ST18: variants seen among roughly 807,000 people sequenced by gnomAD.
The protein encoded by ST18 is suppression of tumorigenicity 18 protein.
ST18 carries 50 observed loss-of-function variants against 110.0 expected under a neutral mutation model. The ratio of observed to expected loss-of-function variants is 0.45; its 90% CI spans 0.36 to 0.58. The LOEUF (loss-of-function observed/expected upper bound fraction) is 0.58, where lower values mean the gene tolerates loss of function less well. Among genes scored for constraint, ST18 ranks in the 20% least tolerant of loss-of-function variants. The probability of loss-of-function intolerance (pLI) is 0.00; values close to 1 mark genes in which losing one functional copy is unlikely to be tolerated. For synonymous variants in ST18, 461 were observed against 452.4 expected, an observed-to-expected ratio of 1.02 and a Z score of -0.24; for missense variants, 1,306 against 1,280.1, an observed-to-expected ratio of 1.02 and a Z score of -0.31.
intron 8 of ST18, among the ~76,000 whole-genome samples, chr8:52,180,846 C>T (rs1257037853): frequency 6.6e-6 from 1 of 152,144 alleles, no homozygotes; most frequent in East Asian, 1.9e-4. Flanking sequence ...ATCCTGTCTC[C>T]CCATCTCCAG....
chr8:52,293,024 G>A lies in ST18; in HGVS notation c.-464-62947C>T, dbSNP rs4873637. 1.9e-3 allele frequency among the ~76,000 whole-genome samples: 297 copies of A among 152,316 alleles called. 2 individuals are homozygous for A. Among genetic ancestry groups the A allele is most frequent in the Admixed American group, 0.015 (231 of 15,314 alleles). On this transcript the variant is annotated intron_variant, in intron 2 of 25. Transcript: ENST00000689386. Reference sequence around the variant, plus strand: ...ATACAGGTTTGGAAATTAATCGATCGTGAGAATTATGTACTTTCTCTCTGG... The same window carrying A: ...ATACAGGTTTGGAAATTAATCGATCATGAGAATTATGTACTTTCTCTCTGG...
intron 17 of ST18, among the ~76,000 whole-genome samples, chr8:52,141,739 G>A (rs1227289805): frequency 6.6e-6 from 1 of 152,152 alleles, no homozygotes; most frequent in African/African-American, 2.4e-5. Context: ...CAACCCTAAG[G>A]CCCTGCCTAA....
In ST18 at chr8:52,230,435, G is replaced by C. The variant is rs547325325; in HGVS notation, c.-464-358C>G. 3.3e-5 allele frequency among the ~76,000 whole-genome samples: 5 copies of C among 152,024 alleles called. No homozygotes were observed. In the South Asian group the frequency reaches 1.0e-3, roughly 32 times the overall value. ...GAAGAAAAAAAAAAAAAGAATCAGT[G>C]GTTTAACACTAATTTCTAATCAGAT... On this transcript the variant is annotated intron_variant, in intron 2 of 25. Transcript: ENST00000689386.
At chr8:52,346,126 A>T (rs969798830) in intron 2 of ST18, among the ~76,000 whole-genome samples, 28 of 151,772 alleles carry the variant, frequency 1.8e-4, no homozygotes, top group South Asian at 2.1e-4. Context: ...GTGACATATT[A>T]TATTCACACA....
At chr8:52,119,987 C>G (rs1025658486) in intron 23 of ST18, among the ~76,000 whole-genome samples, 3 of 152,164 alleles carry the variant, frequency 2.0e-5, no homozygotes, top group African/African-American at 4.8e-5. Context: ...AAATATGAGT[C>G]ATCAGTATGA....
chr8:52,193,191 G>A (rs2075142697), intron 8 of ST18, among the ~76,000 whole-genome samples: 1 of 152,154 alleles, frequency 6.6e-6, no homozygotes, highest in African/African-American at 2.4e-5. Context: ...TAGAAGTATA[G>A]GTAGATAATG....
At chr8:52,230,760 G>A (rs1420647016) in intron 2 of ST18, among the ~76,000 whole-genome samples, 1 of 152,064 alleles carries the variant, frequency 6.6e-6, no homozygotes, top group Non-Finnish European at 1.5e-5. Flanking sequence ...TTCCTCCCAG[G>A]TCCCTGGGTT....
Position 52,112,210 on chromosome 8 carries a change from A to G in ST18, c.*988T>C, listed in dbSNP as rs1399325455. On this transcript the variant is annotated 3_prime_UTR_variant, in exon 26 of 26. Transcript: ENST00000689386. ...TAAATGCTATTTCAGGGGATATGGT[A>G]TCTACAAAATTTTTCATTTGGATGT... is the stretch of plus-strand genomic sequence containing the variant. 1 of 152,552 alleles carries G rather than the reference A, an allele frequency of 6.6e-6. No homozygotes were observed. Among genetic ancestry groups the G allele is most frequent in the Admixed American group, 6.5e-5 (1 of 15,272 alleles). The allele number at this position is 152,552 out of a possible 1,614,324, so 9.4% of individuals were successfully genotyped here. A position where few individuals can be genotyped will look rare whatever the true frequency, so the allele number is the denominator to read the frequency against.
chr8:52,195,606 G>A (rs2075953968), intron 8 of ST18, among the ~76,000 whole-genome samples: 1 of 152,086 alleles, frequency 6.6e-6, no homozygotes, highest in Admixed American at 6.5e-5. Flanking sequence ...TTTTAAAGAA[G>A]ATTATTGCAA....
intron 8 of ST18, among the ~76,000 whole-genome samples, chr8:52,198,898 T>G (rs897042388): frequency 1.3e-5 from 2 of 152,108 alleles, no homozygotes; most frequent in African/African-American, 4.8e-5. Flanking sequence ...ACACCAGAAC[T>G]ACTGACAAAT....
intron 16 of ST18, among the ~76,000 whole-genome samples, chr8:52,149,275 CA>C (rs1386410444): frequency 1.3e-5 from 2 of 152,230 alleles, no homozygotes; most frequent in African/African-American, 4.8e-5. Context: ...TGAGTCTATA[CA>C]TAGGTATGCT....
intron 2 of ST18, among the ~76,000 whole-genome samples, chr8:52,350,704 T>C (rs1327041175): frequency 6.6e-6 from 1 of 151,726 alleles, no homozygotes; most frequent in Non-Finnish European, 1.5e-5. Context: ...TCACCTCTCG[T>C]GTCACTTGAT....
At chr8:52,354,422 G>C (rs1821769619) in intron 2 of ST18, among the ~76,000 whole-genome samples, 1 of 152,170 alleles carries the variant, frequency 6.6e-6, no homozygotes, top group Non-Finnish European at 1.5e-5. Context: ...TGAATAACTG[G>C]ATATGGTATG....
intron 2 of ST18, among the ~76,000 whole-genome samples, chr8:52,392,572 C>A (rs1839676355): frequency 6.6e-6 from 1 of 152,078 alleles, no homozygotes; most frequent in Admixed American, 6.6e-5. Flanking sequence ...GATGCAGGGT[C>A]TTGACCACAA....
rs978908444 is a variant in ST18 at position 52,111,539 on chromosome 8, T to G, written c.*1659A>C. The G allele has an allele frequency of 6.5e-6, 1 of 152,684 alleles. No homozygotes were observed. The highest frequency in any genetic ancestry group is 2.4e-5 in the African/African-American group (1 of 41,464). 9.5% of individuals were successfully genotyped at this position (152,684 alleles called of 1,614,324 possible). A position where few individuals can be genotyped will look rare whatever the true frequency, so the allele number is the denominator to read the frequency against. ...ATGCATAACAATGACCAAAGTTTCA[T>G]GGGAGTGGAATTACTGTTGAGTATT... On this transcript the variant is annotated 3_prime_UTR_variant, in exon 26 of 26. Transcript: ENST00000689386.
chr8:52,319,882 G>T (rs1803109863), intron 2 of ST18, among the ~76,000 whole-genome samples: 1 of 152,154 alleles, frequency 6.6e-6, no homozygotes, highest in Admixed American at 6.5e-5. Context: ...CTTCTTCCAT[G>T]GCAACTGGCC....
chr8:52,402,727 C>G (rs1467690326), intron 2 of ST18, among the ~76,000 whole-genome samples: 1 of 152,146 alleles, frequency 6.6e-6, no homozygotes, highest in Non-Finnish European at 1.5e-5. Context: ...CAGTGGAGCA[C>G]AGTTACTGCT....
chr8:52,163,830 C>G (rs2062078751), intron 13 of ST18, among the ~76,000 whole-genome samples, 156 bp downstream of exon 13: 1 of 152,076 alleles, frequency 6.6e-6, no homozygotes, highest in African/African-American at 2.4e-5. Context: ...TTAACTAGAC[C>G]AGCCTCTGGT....
intron 8 of ST18, among the ~76,000 whole-genome samples, chr8:52,195,778 C>G (rs1289467827): frequency 6.6e-6 from 1 of 152,004 alleles, no homozygotes; most frequent in Non-Finnish European, 1.5e-5. Flanking sequence ...TCAATTTTAC[C>G]TTAACTAACT....
Sources: gnomAD v4.1 joint callset for allele counts (sites outside exome capture counted in the v4.1 genomes callset) on GRCh38, gnomAD v4.1.1 for gene constraint, MANE v1.5 for transcripts, NCBI Gene and HGNC (gene_info 2026-07-23, HGNC 2026-07-21) for gene names.